Variants in IL4R observed in about 807,000 individuals in gnomAD.
The protein encoded by IL4R is interleukin 4 receptor.
IL4R carries 17 observed loss-of-function variants against 41.5 expected under a neutral mutation model. That is an observed-to-expected ratio of 0.41 (90% CI 0.28 to 0.61). The LOEUF is 0.61. Among genes scored for constraint, IL4R ranks in the 20% least tolerant of loss-of-function variants. The pLI, the probability that IL4R is intolerant of heterozygous loss-of-function variation, is 0.31. For missense variants in IL4R, 974 were observed against 1,043.1 expected (o/e 0.93, Z 0.91); for synonymous variants, 402 against 422.9 (o/e 0.95, Z 0.61).
rs757559402 is a variant in IL4R, at chr16:27,363,872, G to GGCTT, written c.*43_*46dup. On this transcript the variant is annotated 3_prime_UTR_variant, in exon 11 of 11. Transcript: ENST00000395762. ...TGCTGAGTCTGCAGATGAGGACTAG[G>GGCTT]GCTTATCCATGCCTGGGAAATGCCA... The GGCTT allele has an allele frequency of 1.9e-6, 3 of 1,547,712 alleles. No homozygotes were observed. The South Asian group carries it at 3.6e-5, about 19-fold the overall frequency.
rs1000492520 is a variant in IL4R, at chr16:27,314,003, T to C, written c.-169T>C. On this transcript the variant is annotated 5_prime_UTR_variant, in exon 1 of 11. It removes an upstream start codon present in the reference 5' UTR. Transcript: ENST00000395762. ...CCCGCTTGGGCGCCCGGACGGCGAA[T>C]GGAGCAGGGGCGCGCAGGTAGGATC... 1.9e-5 allele frequency: 19 copies of C among 984,160 alleles called. No individual in the cohort carries two copies. In the African/African-American group the frequency reaches 3.2e-4, roughly 16 times the overall value. 61.0% of individuals were successfully genotyped at this position (984,160 alleles called of 1,614,324 possible).
intron 2 of IL4R, among the ~76,000 whole-genome samples, chr16:27,336,049 G>A (rs1427070631): frequency 7.9e-5 from 12 of 152,094 alleles, no homozygotes; most frequent in Admixed American, 7.9e-4. Flanking sequence ...GTGTTTATGT[G>A]TCTCATACAC....
chr16:27,360,877 C>T (rs1168532982), intron 10 of IL4R, 62 bp downstream of exon 10: 3 of 1,613,814 alleles, frequency 1.9e-6, no homozygotes, highest in Non-Finnish European at 1.7e-6. Flanking sequence ...ATTGGAGAGG[C>T]AAGCCCCTAG....
At chr16:27,331,746 C>T (rs753436750) in intron 2 of IL4R, among the ~76,000 whole-genome samples, 1 of 151,930 alleles carries the variant, frequency 6.6e-6, no homozygotes, top group Non-Finnish European at 1.5e-5. Context: ...CTGGATCTGT[C>T]GATTACCAAA....
Position 27,345,082 on chromosome 16 carries a change from G to T in IL4R, c.361+62G>T, listed in dbSNP as rs1012128011. On this transcript the variant is annotated intron_variant, in intron 5 of 10. Coordinates refer to ENST00000395762, the MANE Select transcript of IL4R (RefSeq NM_000418.4). The surrounding 1 kb of genome is among the most constrained non-coding windows in gnomAD (Gnocchi z 4.5). ...TGTTCCCACAGCTGCCTGGGCTGAG[G>T]GTGGGGTGGGCAGGGGAGGAGGTGG... 24 of 1,258,648 alleles carry T rather than the reference G, an allele frequency of 1.9e-5. No individual in the cohort carries two copies. The Middle Eastern group carries it at 7.5e-4, about 39-fold the overall frequency. 78.0% of individuals were successfully genotyped at this position (1,258,648 alleles called of 1,614,324 possible).
chr16:27,315,769 C>T (rs1475698409), intron 1 of IL4R, among the ~76,000 whole-genome samples: 2 of 152,176 alleles, frequency 1.3e-5, no homozygotes, highest in African/African-American at 4.8e-5. Flanking sequence ...AGTGTATTCA[C>T]CTTGGCTTGA....
chr16:27,354,663 G>A (rs1158074294), intron 7 of IL4R, among the ~76,000 whole-genome samples: 1 of 152,364 alleles, frequency 6.6e-6, no homozygotes, highest in East Asian at 1.9e-4. Flanking sequence ...GAAGAAGACT[G>A]CTTCAGTTTC....
intron 2 of IL4R, among the ~76,000 whole-genome samples, chr16:27,335,809 G>A (rs1283683592): frequency 6.6e-6 from 1 of 152,104 alleles, no homozygotes; most frequent in Non-Finnish European, 1.5e-5. Flanking sequence ...AGGAAGGCAT[G>A]ATAATCAAAT....
chr16:27,361,130 C>G, intron 10 of IL4R: 1 of 863,728 alleles, frequency 1.2e-6, no homozygotes, highest in Non-Finnish European at 1.6e-6. Context: ...TAGCCACTAT[C>G]CTGAACACTC....
intron 8 of IL4R, 26 bp from the exon 9 acceptor site, chr16:27,358,890 C>T (rs1370646324): frequency 6.3e-7 from 1 of 1,581,160 alleles, no homozygotes; most frequent in Non-Finnish European, 8.7e-7. Flanking sequence ...ATTCAGAGAT[C>T]AACACCTTTT....
At chr16:27,349,475 G>A (rs1445222068) in intron 6 of IL4R, among the ~76,000 whole-genome samples, 1 of 152,160 alleles carries the variant, frequency 6.6e-6, no homozygotes, top group African/African-American at 2.4e-5. Context: ...AGGATGCATA[G>A]GAGTTTTCTA....
At chr16:27,355,955 G>A in intron 8 of IL4R, 48 bp downstream of exon 8, 1 of 1,365,658 alleles carries the variant, frequency 7.3e-7, no homozygotes, top group Non-Finnish European at 1.0e-6. Context: ...GGAGTGCAGG[G>A]TGGCAGGGAC....
intron 1 of IL4R, among the ~76,000 whole-genome samples, chr16:27,314,679 A>G (rs2084582934): frequency 6.6e-6 from 1 of 152,042 alleles, no homozygotes; most frequent in Non-Finnish European, 1.5e-5. Flanking sequence ...GGGCAGCAGG[A>G]CTAGAGCCCA....
intron 8 of IL4R, among the ~76,000 whole-genome samples, chr16:27,356,176 C>T (rs1280065963): frequency 6.6e-6 from 1 of 151,128 alleles, no homozygotes; most frequent in African/African-American, 2.4e-5. Context: ...ACAGTAACCT[C>T]CGCCTCCCGG....
intron 10 of IL4R, chr16:27,361,146 C>A: frequency 2.8e-6 from 2 of 713,890 alleles, no homozygotes; most frequent in East Asian, 5.6e-5. Context: ...CACTCCCCTC[C>A]TTTTTTTTAA....
intron 2 of IL4R, among the ~76,000 whole-genome samples, chr16:27,339,946 A>G (rs986627591): frequency 6.6e-6 from 1 of 152,102 alleles, no homozygotes; most frequent in Non-Finnish European, 1.5e-5. Flanking sequence ...AATCCCAGCT[A>G]CTCGGGAGGC....
intron 2 of IL4R, among the ~76,000 whole-genome samples, chr16:27,334,005 C>T (rs555528568): frequency 1.3e-5 from 2 of 152,142 alleles, no homozygotes; most frequent in East Asian, 1.9e-4. Flanking sequence ...GCCTCAGCCT[C>T]CTGAGTAGCT....
At position 27,362,761 on chromosome 16, in the gene IL4R, GTCC is replaced by G. The variant is rs1567339115; in HGVS notation, c.1414_1416del (p.Pro472del). On this transcript the variant is annotated inframe_deletion, in exon 11 of 11. Coordinates refer to ENST00000395762, the MANE Select transcript of IL4R (RefSeq NM_000418.4). ...GAGCAGCCTCTCCACCTGGAGCCAAGTCCTCCTGCCAGCCCGACCCAGAGTCCA... is the reference window on the plus strand; with the variant it reads ...GAGCAGCCTCTCCACCTGGAGCCAAGTCCTGCCAGCCCGACCCAGAGTCCA... 2 of 1,614,090 alleles carry G rather than the reference GTCC, an allele frequency of 1.2e-6. No homozygotes were observed. The highest frequency in any genetic ancestry group is 1.7e-6 in the Non-Finnish European group (2 of 1,180,016).
Position 27,345,571 on chromosome 16 carries a change from G to A in IL4R, c.361+551G>A, listed in dbSNP as rs3024564. The A allele has an allele frequency of 0.025, 5,053 of 201,452 alleles. 232 individuals are homozygous for A. The highest frequency in any genetic ancestry group is 0.1 in the African/African-American group (4,487 of 43,564). 12.5% of individuals were successfully genotyped at this position (201,452 alleles called of 1,614,324 possible). A position where few individuals can be genotyped will look rare whatever the true frequency, so the allele number is the denominator to read the frequency against. ...GTCTCATGGATATGATTGCTTCAAA[G>A]GAGACCAAGTTTTAAAACAGATGAA... On this transcript the variant is annotated intron_variant, in intron 5 of 10. Coordinates refer to ENST00000395762, the MANE Select transcript of IL4R (RefSeq NM_000418.4). This position sits in a 1 kb window ranked among gnomAD's most constrained non-coding sequence, Gnocchi z 4.5.
Sources: gnomAD v4.1 joint callset for allele counts (sites outside exome capture counted in the v4.1 genomes callset) on GRCh38, gnomAD v4.1.1 for gene constraint, Gnocchi (gnomAD v3.1) non-coding constraint, MANE v1.5 for transcripts, NCBI Gene and HGNC (gene_info 2026-07-23, HGNC 2026-07-21) for gene names.